Variants in CDK14 observed in about 807,000 individuals in gnomAD.
CDK14 encodes the protein cyclin dependent kinase 14.
CDK14 carries 34 observed loss-of-function variants against 60.7 expected under a neutral mutation model. The ratio of observed to expected loss-of-function variants is 0.56; its 90% CI spans 0.43 to 0.75. CDK14 has a LOEUF of 0.75. CDK14 is among the 30% of genes least tolerant of loss of function. CDK14 has a pLI of 0.00. For missense variants in CDK14, 482 were observed against 564.1 expected, an observed-to-expected ratio of 0.85 and a Z score of 1.47; for synonymous variants, 197 against 203.7, an observed-to-expected ratio of 0.97 and a Z score of 0.28.
chr7:90,831,746 A>G (rs1789917380), intron 5 of CDK14, among the ~76,000 whole-genome samples: 1 of 151,922 alleles, frequency 6.6e-6, no homozygotes, highest in Non-Finnish European at 1.5e-5. Flanking sequence ...AGCAGTTAGC[A>G]GATTGTCATT....
intron 10 of CDK14, among the ~76,000 whole-genome samples, chr7:91,040,628 T>C (rs1222064439): frequency 2.0e-5 from 3 of 152,254 alleles, no homozygotes; most frequent in Non-Finnish European, 4.4e-5. Context: ...AGTGGGAATC[T>C]GGTGCTTCCC....
chr7:90,857,054 T>A (rs1256994051), intron 5 of CDK14, among the ~76,000 whole-genome samples: 1 of 152,112 alleles, frequency 6.6e-6, no homozygotes, highest in Non-Finnish European at 1.5e-5. Flanking sequence ...CATCAAATAA[T>A]GATCTAGAAA....
At chr7:91,140,046 C>A (rs1800408533) in intron 14 of CDK14, among the ~76,000 whole-genome samples, 1 of 152,118 alleles carries the variant, frequency 6.6e-6, no homozygotes, top group South Asian at 2.1e-4. Context: ...GCAGTGAATA[C>A]CTCTCCCTGC....
At chr7:90,757,336 G>C (rs760164208) in intron 4 of CDK14, among the ~76,000 whole-genome samples, 37 of 143,790 alleles carry the variant, frequency 2.6e-4, no homozygotes, top group Non-Finnish European at 4.8e-4. Flanking sequence ...ATCTCATTTT[G>C]ATTTGATTGC....
At chr7:90,984,639 G>A (rs962307137) in intron 10 of CDK14, among the ~76,000 whole-genome samples, 1 of 152,182 alleles carries the variant, frequency 6.6e-6, no homozygotes, top group African/African-American at 2.4e-5. Context: ...CAGGGAGAGT[G>A]GGAAGATGGT....
intron 10 of CDK14, among the ~76,000 whole-genome samples, chr7:91,015,503 C>T: frequency 6.7e-6 from 1 of 149,604 alleles, no homozygotes; most frequent in South Asian, 2.1e-4. Context: ...CTCCCTACCC[C>T]AGCAGAGTAT....
intron 4 of CDK14, among the ~76,000 whole-genome samples, chr7:90,782,160 T>TTTTA (rs1381490124): frequency 2.0e-5 from 3 of 152,126 alleles, no homozygotes; most frequent in East Asian, 3.8e-4. Context: ...TTCCTAGGTA[T>TTTTA]TTTATTCTCT....
chr7:90,891,667 C>CATGGAATGGCTTCCTTATTTTT (rs1792129673), intron 6 of CDK14, among the ~76,000 whole-genome samples: 1 of 152,214 alleles, frequency 6.6e-6, no homozygotes, highest in African/African-American at 2.4e-5. Flanking sequence ...TGGTCATCTC[C>CATGGAATGGCTTCCTTATTTTT]ATGGAATGGC....
chr7:90,847,275 A>G (rs533068080), intron 5 of CDK14, among the ~76,000 whole-genome samples: 2 of 152,218 alleles, frequency 1.3e-5, no homozygotes, highest in Non-Finnish European at 2.9e-5. Context: ...ATAATCACAA[A>G]GAGAAATAGG....
intron 10 of CDK14, 130 bp downstream of exon 10, chr7:90,984,371 T>C: frequency 1.5e-6 from 1 of 648,424 alleles, no homozygotes. Context: ...CTAACATATT[T>C]TGGACCTTTG....
intron 5 of CDK14, among the ~76,000 whole-genome samples, 162 bp downstream of exon 5, chr7:90,790,814 A>G (rs575619995): frequency 3.0e-4 from 46 of 152,348 alleles, no homozygotes; most frequent in South Asian, 8.3e-4. Context: ...TCTTGCAGTC[A>G]TGTCAAATCA....
chr7:90,961,942 A>G (rs17163417), intron 9 of CDK14, among the ~76,000 whole-genome samples: 61,539 of 152,120 alleles, frequency 0.4, 13,030 homozygotes, highest in East Asian at 0.52. Flanking sequence ...CACTAGAGCA[A>G]TAATTTACTA....
chr7:91,101,536 A>C (rs1203009290), intron 12 of CDK14, among the ~76,000 whole-genome samples: 1 of 152,200 alleles, frequency 6.6e-6, no homozygotes, highest in Non-Finnish European at 1.5e-5. Flanking sequence ...ATTTACAGAA[A>C]CTAATATAAA....
chr7:91,059,255 C>T (rs964790614), intron 11 of CDK14, among the ~76,000 whole-genome samples: 1 of 152,188 alleles, frequency 6.6e-6, no homozygotes, highest in African/African-American at 2.4e-5. Flanking sequence ...GTGATATCCC[C>T]TTTAACATTT....
chr7:90,714,038 A>G (rs1802156484), intron 2 of CDK14, among the ~76,000 whole-genome samples: 1 of 152,088 alleles, frequency 6.6e-6, no homozygotes, highest in South Asian at 2.1e-4. Flanking sequence ...CTTGATTTCC[A>G]TCTCTTTTCT....
chr7:91,143,976 C>G (rs938875812), intron 14 of CDK14, among the ~76,000 whole-genome samples: 9 of 152,046 alleles, frequency 5.9e-5, no homozygotes, highest in African/African-American at 2.2e-4. Context: ...ATCAACTGGT[C>G]TTTTTATTCT....
chr7:90,762,658 T>C (rs751599164), intron 4 of CDK14, among the ~76,000 whole-genome samples: 50 of 152,000 alleles, frequency 3.3e-4, no homozygotes, highest in African/African-American at 1.2e-3. Flanking sequence ...AGCAAAAAGA[T>C]AGAGAAATAT....
At chr7:90,813,155 G>A (rs1314369448) in intron 5 of CDK14, among the ~76,000 whole-genome samples, 1 of 152,162 alleles carries the variant, frequency 6.6e-6, no homozygotes, top group Non-Finnish European at 1.5e-5. Flanking sequence ...TATATACCAA[G>A]CGTATTTTGT....
intron 7 of CDK14, among the ~76,000 whole-genome samples, chr7:90,899,574 A>T (rs1339814881): frequency 6.6e-6 from 1 of 152,110 alleles, no homozygotes; most frequent in East Asian, 1.9e-4. Context: ...ATCTCATCTT[A>T]TATTTTCTTG....
Sources: gnomAD v4.1 joint callset for allele counts (sites outside exome capture counted in the v4.1 genomes callset) on GRCh38, gnomAD v4.1.1 for gene constraint, MANE v1.5 for transcripts, NCBI Gene and HGNC (gene_info 2026-07-23, HGNC 2026-07-21) for gene names.